Variants in ZCCHC14 observed in about 807,000 individuals in gnomAD.
ZCCHC14 encodes the protein zinc finger CCHC-type containing 14.
A neutral mutation model predicts 85.0 loss-of-function variants in ZCCHC14; 16 were observed. That is an observed-to-expected ratio of 0.19 (90% confidence interval 0.13 to 0.29). The LOEUF (loss-of-function observed/expected upper bound fraction) is 0.29. Ranked by LOEUF, ZCCHC14 falls within the 10% of genes least tolerant of loss-of-function variation. The pLI, the probability that ZCCHC14 is intolerant of heterozygous loss-of-function variation, is 1.00. For missense variants in ZCCHC14, 1,303 were observed against 1,443.5 expected (o/e 0.90, Z 1.58); for synonymous variants, 775 against 630.7 (o/e 1.23, Z -3.43).
chr16:87,420,854 A>C lies in ZCCHC14; in HGVS notation c.841-138T>G, dbSNP rs909993800. 39 of 625,362 alleles carry C rather than the reference A, an allele frequency of 6.2e-5. No homozygotes were observed. The Middle Eastern group carries it at 1.0e-3, about 16-fold the overall frequency. 38.7% of individuals were successfully genotyped at this position (625,362 alleles called of 1,614,324 possible). ...TGATATGATTTACACCTCCCGTCAG[A>C]GCTATTCTGGGGCCCACATCCACTT... On this transcript the variant is annotated intron_variant, in intron 4 of 12. Coordinates refer to ENST00000671377, the MANE Select transcript of ZCCHC14 (RefSeq NM_015144.3). This position sits in a 1 kb window ranked among gnomAD's most constrained non-coding sequence, Gnocchi z 5.0.
rs914257094 is a variant in ZCCHC14 at position 87,420,426 on chromosome 16, C to A, written c.950+181G>T. ...TTCCTCACACACTCAGAACCACTCT[C>A]AGCTTACTGAGGGCTCCCGAATCCT... On this transcript the variant is annotated intron_variant, in intron 5 of 12. Coordinates refer to ENST00000671377, the MANE Select transcript of ZCCHC14 (RefSeq NM_015144.3). This position sits in a 1 kb window ranked among gnomAD's most constrained non-coding sequence, Gnocchi z 5.0. Among the ~76,000 whole-genome samples the A allele has an allele frequency of 2.0e-5, 3 of 152,228 alleles. No individual in the cohort carries two copies. Among genetic ancestry groups the A allele is most frequent in the Non-Finnish European group, 4.4e-5 (3 of 68,042 alleles).
Position 87,412,965 on chromosome 16 carries a change from G to T in ZCCHC14, c.1756C>A (p.His586Asn). The change falls in exon 12 of 13, where the codon CAC (histidine) becomes AAC (asparagine). Residue 586 changes from histidine to asparagine, a missense_variant. His to Asn is a moderately conservative substitution (Grantham distance 68). Transcript: ENST00000671377. ...AEENDRRVEI[H>N]LESSDKEKPV... ...TTCTCCTTGTCAGAGCTCTCCAAGT[G>T]AATCTCCACACCTAGAGAGGGAAAC... The T allele has an allele frequency of 6.2e-7, 1 of 1,611,118 alleles. No homozygotes were observed. The highest frequency in any genetic ancestry group is 1.1e-5 in the South Asian group (1 of 90,698).
At chr16:87,461,634 C>T (rs1347741210) in intron 1 of ZCCHC14, among the ~76,000 whole-genome samples, 1 of 152,238 alleles carries the variant, frequency 6.6e-6, no homozygotes, top group Non-Finnish European at 1.5e-5. Context: ...GATCCCAGCA[C>T]TCGCTCTGCA....
At chr16:87,458,701 G>GA (rs1056166993) in intron 2 of ZCCHC14, among the ~76,000 whole-genome samples, 26 of 152,224 alleles carry the variant, frequency 1.7e-4, no homozygotes, top group Non-Finnish European at 3.5e-4. Context: ...CAGGGACGGG[G>GA]ACGGTGCGGG....
chr16:87,471,420 C>G (rs1911768041), intron 1 of ZCCHC14: 1 of 152,212 alleles, frequency 6.6e-6, no homozygotes, highest in Non-Finnish European at 1.5e-5. Context: ...TAACCTAGAG[C>G]TCTACTCATC....
chr16:87,450,168 G>C (rs1164071183), intron 2 of ZCCHC14, among the ~76,000 whole-genome samples: 1 of 152,194 alleles, frequency 6.6e-6, no homozygotes, highest in Non-Finnish European at 1.5e-5. Flanking sequence ...TCACACCGTA[G>C]ATACTTCCTG....
chr16:87,420,482 G>C lies in ZCCHC14; in HGVS notation c.950+125C>G. 1.5e-6 allele frequency: 1 copy of C among 687,932 alleles called. No homozygotes were observed. Among genetic ancestry groups the C allele is most frequent in the East Asian group, 2.9e-5 (1 of 34,280 alleles). 42.6% of individuals were successfully genotyped at this position (687,932 alleles called of 1,614,324 possible). A position where few individuals can be genotyped will look rare whatever the true frequency, so the allele number is the denominator to read the frequency against. On this transcript the variant is annotated intron_variant, in intron 5 of 12. Coordinates refer to ENST00000671377, the MANE Select transcript of ZCCHC14 (RefSeq NM_015144.3). This position sits in a 1 kb window ranked among gnomAD's most constrained non-coding sequence, Gnocchi z 5.0. ...ACTAATGGAAATCCCTAGAGGCCAA[G>C]TAGAGACCCAGGTCCAGGTGACCGC...
chr16:87,410,532 G>A (rs1567505868), intron 12 of ZCCHC14, among the ~76,000 whole-genome samples, 197 bp from the exon 13 acceptor site: 2 of 152,206 alleles, frequency 1.3e-5, no homozygotes, highest in South Asian at 2.1e-4. Context: ...AAATCTGACC[G>A]GGGTGAAATG....
In ZCCHC14 at chr16:87,493,006, G is replaced by A. The variant is rs1310456912; in HGVS notation, c.-768C>T. Among the ~76,000 whole-genome samples, 2 of 151,914 alleles carry A rather than the reference G, an allele frequency of 1.3e-5. No individual in the cohort carries two copies. Among genetic ancestry groups the A allele is most frequent in the Non-Finnish European group, 2.9e-5 (2 of 67,930 alleles). On this transcript the variant is annotated 5_prime_UTR_variant, in exon 1 of 13. Coordinates refer to ENST00000671377, the MANE Select transcript of ZCCHC14 (RefSeq NM_015144.3). ...ATCGTCGCGCTCGCGGCTGACGGGCGGCCGGGATCAGCAGAAGTGGGCGGG... is the reference window on the plus strand; with the variant it reads ...ATCGTCGCGCTCGCGGCTGACGGGCAGCCGGGATCAGCAGAAGTGGGCGGG...
At chr16:87,471,215 C>T (rs539321488) in intron 1 of ZCCHC14, 1 of 151,944 alleles carries the variant, frequency 6.6e-6, no homozygotes, top group African/African-American at 2.4e-5. Flanking sequence ...TTTAAGTTAA[C>T]GTAAAAAACA....
chr16:87,458,611 T>A (rs1008867485), intron 2 of ZCCHC14, among the ~76,000 whole-genome samples: 1 of 152,120 alleles, frequency 6.6e-6, no homozygotes, highest in Non-Finnish European at 1.5e-5. Context: ...CAGAGACAGG[T>A]GGCTCTCGAT....
intron 2 of ZCCHC14, among the ~76,000 whole-genome samples, chr16:87,442,066 G>A (rs1277781303): frequency 2.0e-5 from 3 of 152,234 alleles, no homozygotes; most frequent in African/African-American, 7.2e-5. Flanking sequence ...CCTGGGAACT[G>A]GAAGTACAGA....
At position 87,422,908 on chromosome 16, in the gene ZCCHC14, G is replaced by C. The variant is rs531602868; in HGVS notation, c.840+902C>G. Among the ~76,000 whole-genome samples, 167 of 152,252 alleles carry C rather than the reference G, an allele frequency of 1.1e-3. 2 individuals carry two copies. The highest frequency in any genetic ancestry group is 2.3e-3 in the Non-Finnish European group (156 of 68,024). ...TACAGAGGGAAAAGCAGATTCCCGG[G>C]GGGGGGTGTGTGTTACCCTCGAAGG... is the stretch of plus-strand genomic sequence containing the variant. On this transcript the variant is annotated intron_variant, in intron 4 of 12. Coordinates refer to ENST00000671377, the MANE Select transcript of ZCCHC14 (RefSeq NM_015144.3).
chr16:87,474,280 A>C (rs946225913), intron 1 of ZCCHC14: 2 of 152,218 alleles, frequency 1.3e-5, no homozygotes, highest in African/African-American at 2.4e-5. Context: ...ACATCCTCCA[A>C]ATGGACCCAT....
intron 1 of ZCCHC14, among the ~76,000 whole-genome samples, chr16:87,476,199 C>A (rs76609224): frequency 1.1e-4 from 16 of 152,146 alleles, no homozygotes; most frequent in Admixed American, 7.2e-4. Flanking sequence ...GCCAGCACAC[C>A]TACACTCCCG....
intron 2 of ZCCHC14, among the ~76,000 whole-genome samples, chr16:87,454,047 C>A (rs1387004943): frequency 1.3e-5 from 2 of 151,984 alleles, no homozygotes; most frequent in Non-Finnish European, 2.9e-5. Flanking sequence ...GGTGTACCAG[C>A]AGACTGAAAA....
intron 3 of ZCCHC14, among the ~76,000 whole-genome samples, chr16:87,429,610 A>C (rs1909549409): frequency 6.6e-6 from 1 of 152,078 alleles, no homozygotes. Flanking sequence ...AGGAGACACT[A>C]TCTCTTTTTT....
At chr16:87,425,703 C>A (rs1909335572) in intron 3 of ZCCHC14, among the ~76,000 whole-genome samples, 1 of 152,218 alleles carries the variant, frequency 6.6e-6, no homozygotes, top group Admixed American at 6.5e-5. Flanking sequence ...GCTCCCCACA[C>A]AGAACTCCAA....
At chr16:87,486,442 G>T (rs1912515058) in intron 1 of ZCCHC14, among the ~76,000 whole-genome samples, 1 of 152,234 alleles carries the variant, frequency 6.6e-6, no homozygotes, top group Non-Finnish European at 1.5e-5. Flanking sequence ...AGGAGCAACA[G>T]GCTCTACAAT....
Sources: allele counts gnomAD v4.1 joint callset (sites outside exome capture counted in the v4.1 genomes callset), GRCh38; gene constraint gnomAD v4.1.1; non-coding constraint Gnocchi (gnomAD v3.1); transcripts MANE v1.5; gene names NCBI Gene and HGNC (gene_info 2026-07-23, HGNC 2026-07-21).